Variants in WWOX observed in about 807,000 individuals in gnomAD.
The protein encoded by WWOX is WW domain containing oxidoreductase.
In WWOX, 69 loss-of-function variants were observed where a neutral mutation model predicts 46.2. That is an observed-to-expected ratio of 1.49 (90% CI 1.23 to 1.82). WWOX has a LOEUF of 1.82. WWOX is among the 40% of genes most tolerant of loss of function. The pLI, the probability that WWOX is intolerant of heterozygous loss-of-function variation, is 0.00. For synonymous variants in WWOX, 359 were observed against 202.6 expected (o/e 1.77, Z -6.56); for missense variants, 919 against 542.6 (o/e 1.69, Z -6.89).
At chr16:79,044,274 C>A (rs775252653) in intron 8 of WWOX, among the ~76,000 whole-genome samples, 7 of 152,200 alleles carry the variant, frequency 4.6e-5, no homozygotes, top group Non-Finnish European at 1.0e-4. Context: ...GAAGTTCCAG[C>A]TGGCGGTCTG....
intron 5 of WWOX, among the ~76,000 whole-genome samples, chr16:78,173,783 A>C (rs2035242723): frequency 6.6e-6 from 1 of 152,218 alleles, no homozygotes; most frequent in East Asian, 1.9e-4. Context: ...ACTTCGGGCT[A>C]ATAACAAAAA....
chr16:78,418,387 TAATATC>T (rs1765399888), intron 6 of WWOX, among the ~76,000 whole-genome samples: 1 of 151,072 alleles, frequency 6.6e-6, no homozygotes, highest in South Asian at 2.1e-4. Flanking sequence ...AAAAAAGAAT[TAATATC>T]AATTTTCCAC....
intron 8 of WWOX, among the ~76,000 whole-genome samples, chr16:78,630,189 C>G (rs1341766244): frequency 2.6e-5 from 4 of 152,140 alleles, no homozygotes; most frequent in Non-Finnish European, 4.4e-5. Flanking sequence ...ATTGTGTATT[C>G]CTCATCTGGC....
At chr16:78,586,374 T>A (rs1007879932) in intron 8 of WWOX, among the ~76,000 whole-genome samples, 2 of 152,150 alleles carry the variant, frequency 1.3e-5, no homozygotes, top group South Asian at 2.1e-4. Flanking sequence ...AACCTCTCCA[T>A]GTCTCAGTTT....
intron 8 of WWOX, among the ~76,000 whole-genome samples, chr16:78,779,074 A>G (rs764495144): frequency 6.0e-5 from 9 of 149,450 alleles, no homozygotes; most frequent in Non-Finnish European, 1.0e-4. Context: ...ATTCATAGAG[A>G]TCACTCTATC....
intron 5 of WWOX, among the ~76,000 whole-genome samples, chr16:78,250,024 T>A (rs13336981): frequency 0.017 from 2,587 of 152,308 alleles, 64 homozygotes; most frequent in African/African-American, 0.055. Flanking sequence ...AGACCTGTGT[T>A]CTTAATCATT....
At chr16:78,574,197 G>C (rs1274763295) in intron 8 of WWOX, among the ~76,000 whole-genome samples, 1 of 152,238 alleles carries the variant, frequency 6.6e-6, no homozygotes, top group Non-Finnish European at 1.5e-5. Flanking sequence ...AGCAACAAGA[G>C]TTTCTGGGGC....
intron 5 of WWOX, among the ~76,000 whole-genome samples, chr16:78,359,474 A>AT (rs2081364653): frequency 6.6e-6 from 1 of 152,194 alleles, no homozygotes; most frequent in Non-Finnish European, 1.5e-5. Flanking sequence ...AAGGATCGAT[A>AT]GTTGGTACTT....
intron 8 of WWOX, among the ~76,000 whole-genome samples, chr16:78,505,620 C>T (rs1230506282): frequency 6.6e-6 from 1 of 152,130 alleles, no homozygotes; most frequent in East Asian, 1.9e-4. Context: ...AAAAATCACG[C>T]TTCTGGCTTG....
At chr16:78,609,526 T>C (rs114121301) in intron 8 of WWOX, among the ~76,000 whole-genome samples, 2,887 of 152,000 alleles carry the variant, frequency 0.019, 78 homozygotes, top group African/African-American at 0.065. Context: ...AGGTTTTTTT[T>C]TTTCTTTCTT....
chr16:78,587,223 A>G (rs1346331548), intron 8 of WWOX, among the ~76,000 whole-genome samples: 1 of 125,584 alleles, frequency 8.0e-6, no homozygotes, highest in Non-Finnish European at 1.6e-5. Flanking sequence ...TTTTGTAGAA[A>G]CAGAGTCTCT....
At chr16:78,777,502 A>C (rs2050220514) in intron 8 of WWOX, among the ~76,000 whole-genome samples, 1 of 152,174 alleles carries the variant, frequency 6.6e-6, no homozygotes, top group African/African-American at 2.4e-5. Flanking sequence ...GTAGAAAGAC[A>C]CCGTGCCTGC....
intron 8 of WWOX, among the ~76,000 whole-genome samples, chr16:78,887,734 G>C (rs1010889564): frequency 6.6e-6 from 1 of 152,178 alleles, no homozygotes; most frequent in African/African-American, 2.4e-5. Context: ...AACAAAAGAA[G>C]ATTTCCAAAT....
At chr16:78,188,448 A>G (rs536966464) in intron 5 of WWOX, among the ~76,000 whole-genome samples, 1 of 150,568 alleles carries the variant, frequency 6.6e-6, no homozygotes, top group East Asian at 2.0e-4. Flanking sequence ...GGATTGTGCC[A>G]CTGCACTCCA....
At chr16:78,453,116 G>A (rs1168378278) in intron 8 of WWOX, among the ~76,000 whole-genome samples, 1 of 151,998 alleles carries the variant, frequency 6.6e-6, no homozygotes, top group Non-Finnish European at 1.5e-5. Flanking sequence ...TATCTTATAT[G>A]TGTATTTGTA....
At chr16:78,431,629 A>G (rs982689456) in intron 7 of WWOX, among the ~76,000 whole-genome samples, 12 of 151,178 alleles carry the variant, frequency 7.9e-5, no homozygotes, top group African/African-American at 2.9e-4. Context: ...AGAGTTCAGT[A>G]TGTCAGGACT....
chr16:78,635,998 C>A (rs745741576), intron 8 of WWOX, among the ~76,000 whole-genome samples: 1 of 152,162 alleles, frequency 6.6e-6, no homozygotes, highest in African/African-American at 2.4e-5. Context: ...TTCCGTAACT[C>A]ATCCTGCCAA....
chr16:78,516,015 T>C (rs951359770), intron 8 of WWOX, among the ~76,000 whole-genome samples: 12 of 152,094 alleles, frequency 7.9e-5, no homozygotes, highest in Non-Finnish European at 1.5e-4. Context: ...TTCTCTCCCC[T>C]TCCCTGCTCC....
At chr16:78,795,036 G>A (rs1295953615) in intron 8 of WWOX, among the ~76,000 whole-genome samples, 2 of 152,174 alleles carry the variant, frequency 1.3e-5, no homozygotes, top group Non-Finnish European at 2.9e-5. Flanking sequence ...TTGAGCTGGC[G>A]ATTTTTCCAG....
Sources: allele counts gnomAD v4.1 joint callset (sites outside exome capture counted in the v4.1 genomes callset), GRCh38; gene constraint gnomAD v4.1.1; transcripts MANE v1.5; gene names NCBI Gene and HGNC (gene_info 2026-07-23, HGNC 2026-07-21).